RBM43: variants seen among roughly 807,000 people sequenced by gnomAD.
RBM43 encodes the protein RNA binding motif protein 43.
A neutral mutation model predicts 12.4 loss-of-function variants in RBM43; 12 were observed. The ratio of observed to expected loss-of-function variants is 0.97; its 90% CI spans 0.62 to 1.57. RBM43 has a LOEUF of 1.57. Among genes scored for constraint, RBM43 ranks in the 40% most tolerant of loss-of-function variants. RBM43 has a pLI of 0.00. For synonymous variants in RBM43, 138 were observed against 145.7 expected (o/e 0.95, Z 0.38); for missense variants, 348 against 400.1 (o/e 0.87, Z 1.11).
intron 3 of RBM43, among the ~76,000 whole-genome samples, chr2:151,252,296 G>A (rs1340677062): frequency 6.6e-6 from 1 of 152,060 alleles, no homozygotes; most frequent in Non-Finnish European, 1.5e-5. Flanking sequence ...GCTGAGGTGG[G>A]AGGACTGCTT....
Position 151,249,938 on chromosome 2 carries a change from T to G in RBM43, c.*968A>C, listed in dbSNP as rs932522224. The G allele has an allele frequency of 3.3e-5, 5 of 152,168 alleles. No individual in the cohort carries two copies. Among genetic ancestry groups the G allele is most frequent in the Non-Finnish European group, 5.9e-5 (4 of 68,036 alleles). 9.4% of individuals were successfully genotyped at this position (152,168 alleles called of 1,614,324 possible). A position where few individuals can be genotyped will look rare whatever the true frequency, so the allele number is the denominator to read the frequency against. ...CCTAGCTTCTTGAGTCTGTTTTAGT[T>G]GGATGTGACAAGAATGACTCAATTA... On this transcript the variant is annotated 3_prime_UTR_variant, in exon 4 of 4. Coordinates refer to ENST00000331426, the MANE Select transcript of RBM43 (RefSeq NM_198557.3).
In RBM43 at chr2:151,249,439, G is replaced by A. The variant is rs1476339397; in HGVS notation, c.*1467C>T. 2 of 143,676 alleles carry A rather than the reference G, an allele frequency of 1.4e-5. No individual in the cohort carries two copies. The highest frequency in any genetic ancestry group is 2.2e-4 in the South Asian group (1 of 4,576). 8.9% of individuals were successfully genotyped at this position (143,676 alleles called of 1,614,324 possible). ...GTCACCCAGGCTGGAGTGCAGTAGT[G>A]CAGTCTTGGCTCACTGCAAGCTCCA... On this transcript the variant is annotated 3_prime_UTR_variant, in exon 4 of 4. Coordinates refer to ENST00000331426, the MANE Select transcript of RBM43 (RefSeq NM_198557.3).
In RBM43 at chr2:151,252,852, G is replaced by T; in HGVS notation, c.218C>A (p.Ala73Glu). The T allele has an allele frequency of 6.4e-7, 1 of 1,573,218 alleles. No individual in the cohort carries two copies. Residue 73 changes from alanine to glutamate, a missense_variant, in exon 3 of 4, where the codon GCA (alanine) becomes GAA (glutamate). Physicochemically the swap from Ala to Glu is moderately radical, Grantham distance 107. Transcript: ENST00000331426. Reference protein sequence around the residue: ...AYVIFKEKKVAENVIRQKKHW... With the variant: ...AYVIFKEKKVEENVIRQKKHW... ...TTTCTTTTGTCTGATGACATTCTCTGCAACTAAGTGGAAACACTGGCATCA... is the reference window on the plus strand; with the variant it reads ...TTTCTTTTGTCTGATGACATTCTCTTCAACTAAGTGGAAACACTGGCATCA...
Position 151,251,180 on chromosome 2 carries a change from C to T in RBM43, c.800G>A (p.Gly267Asp). ...ATGTTTTGCATTGTTTGGCTGAGAA[C>T]CAACTTGAATGCTTTTTAGACAAAT... is the stretch of plus-strand genomic sequence containing the variant. The part of the protein sequence containing the change: ...TTICLKSIQV[G>D]SQPNNAKHVK... Residue 267 changes from glycine to aspartate, a missense_variant, in exon 4 of 4, where the codon GGT becomes GAT. Transcript: ENST00000331426. 2 of 1,614,012 alleles carry T rather than the reference C, an allele frequency of 1.2e-6. No homozygotes were observed. Among genetic ancestry groups the T allele is most frequent in the African/African-American group, 2.7e-5 (2 of 75,048 alleles).
intron 1 of RBM43, among the ~76,000 whole-genome samples, chr2:151,260,673 A>G (rs1558870924): frequency 6.6e-6 from 1 of 152,122 alleles, no homozygotes; most frequent in Non-Finnish European, 1.5e-5. Flanking sequence ...TTTGTCCTTA[A>G]CTCCCTTTCA....
At chr2:151,256,208 G>A (rs1265738903) in intron 1 of RBM43, among the ~76,000 whole-genome samples, 1 of 152,088 alleles carries the variant, frequency 6.6e-6, no homozygotes. Context: ...GAGATCTGCT[G>A]CCTCAGCCAC....
rs773908772 is a variant in RBM43, at chr2:151,261,494, C to A, written c.3+231G>T. ...CACCGCCGTACGTGAATTTCAGGAG[C>A]GCGCAATGCCGCCACCTGGGAAGGG... On this transcript the variant is annotated intron_variant, in intron 1 of 3. Transcript: ENST00000331426. 12 of 1,550,098 alleles carry A rather than the reference C, an allele frequency of 7.7e-6. No homozygotes were observed. In the Admixed American group the frequency reaches 7.8e-5, roughly 10 times the overall value.
chr2:151,261,188 G>A, intron 1 of RBM43: 1 of 1,475,896 alleles, frequency 6.8e-7, no homozygotes, highest in Non-Finnish European at 9.1e-7. Flanking sequence ...AATTTGCTAA[G>A]ACAAGAATTC....
rs1682990617 is a variant in RBM43 at position 151,257,492 on chromosome 2, G to C, written c.4-1749C>G. ...AGATCACCTGAGGTTGGGAGTTCGA[G>C]ACCAGCCTGACCAACATGGAGAAAC... On this transcript the variant is annotated intron_variant, in intron 1 of 3. Transcript: ENST00000331426. Among the ~76,000 whole-genome samples, 3 of 152,220 alleles carry C rather than the reference G, an allele frequency of 2.0e-5. No homozygotes were observed. The South Asian group carries it at 6.2e-4, about 32-fold the overall frequency.
At position 151,250,937 on chromosome 2, in the gene RBM43, AC is replaced by A; in HGVS notation, c.1042del (p.Val348SerfsTer2). 6.3e-7 allele frequency: 1 copy of A among 1,598,662 alleles called. No homozygotes were observed. The highest frequency in any genetic ancestry group is 1.1e-5 in the South Asian group (1 of 88,406). ...SSDTYLFKKG[V>X]MKLIGQKVS is the part of the protein sequence containing the mutation. ...AACCTTTTGCCCTATTAATTTCATG[AC>A]CCCTTTTTTAAACAGGTAAGTGTCA... On this transcript the variant is annotated frameshift_variant, in exon 4 of 4. Transcript: ENST00000331426. LOFTEE classifies it low-confidence loss of function (END_TRUNC).
intron 2 of RBM43, among the ~76,000 whole-genome samples, chr2:151,255,276 G>A (rs534557212): frequency 7.2e-5 from 11 of 152,162 alleles, no homozygotes; most frequent in African/African-American, 2.2e-4. Context: ...TTAGCTGGGC[G>A]TGATGGCAGG....
chr2:151,259,507 C>G (rs1178448352), intron 1 of RBM43, among the ~76,000 whole-genome samples: 1 of 151,920 alleles, frequency 6.6e-6, no homozygotes, highest in African/African-American at 2.4e-5. Flanking sequence ...TTAGTGGAGG[C>G]AGGCGCCTGT....
At chr2:151,253,939 G>A (rs935897871) in intron 2 of RBM43, among the ~76,000 whole-genome samples, 1 of 151,866 alleles carries the variant, frequency 6.6e-6, no homozygotes, top group Non-Finnish European at 1.5e-5. Flanking sequence ...TTATTCCCTT[G>A]GCCTCTGCTC....
At chr2:151,261,413 C>T in intron 1 of RBM43, 3 of 1,550,608 alleles carry the variant, frequency 1.9e-6, no homozygotes, top group Non-Finnish European at 2.6e-6. Flanking sequence ...GTCGCCTGGG[C>T]AGTGGGTGTG....
At chr2:151,255,789 T>C (rs2105191580) in intron 1 of RBM43, 46 bp from the exon 2 acceptor site, 2 of 1,314,604 alleles carry the variant, frequency 1.5e-6, no homozygotes, top group South Asian at 1.2e-5. Flanking sequence ...CAAGACTCTA[T>C]ATAATAAAGA....
At chr2:151,256,044 C>T (rs939697726) in intron 1 of RBM43, among the ~76,000 whole-genome samples, 12 of 152,196 alleles carry the variant, frequency 7.9e-5, no homozygotes, top group African/African-American at 2.9e-4. Flanking sequence ...TCGCTACAAT[C>T]TCTGCCTCCC....
intron 2 of RBM43, among the ~76,000 whole-genome samples, chr2:151,254,725 G>A (rs1002555022): frequency 1.3e-5 from 2 of 152,146 alleles, no homozygotes; most frequent in Admixed American, 6.5e-5. Flanking sequence ...CTAAGTCAGG[G>A]ATTGGGTGCA....
At chr2:151,258,316 C>G (rs554215748) in intron 1 of RBM43, among the ~76,000 whole-genome samples, 1 of 148,684 alleles carries the variant, frequency 6.7e-6, no homozygotes, top group Non-Finnish European at 1.5e-5. Context: ...TGGACATGCA[C>G]ATAACATGCT....
chr2:151,251,715 T>G, intron 3 of RBM43, 51 bp from the exon 4 acceptor site: 7 of 1,500,026 alleles, frequency 4.7e-6, no homozygotes, highest in Non-Finnish European at 6.3e-6. Context: ...TGGGAAAGAC[T>G]ACATAAACAT....
Sources: allele counts gnomAD v4.1 joint callset (sites outside exome capture counted in the v4.1 genomes callset), GRCh38; gene constraint gnomAD v4.1.1; transcripts MANE v1.5; gene names NCBI Gene and HGNC (gene_info 2026-07-23, HGNC 2026-07-21).